The following RBFOX2 variants were observed in gnomAD, a reference collection of about 807,000 sequenced individuals.
The protein encoded by RBFOX2 is RNA binding fox-1 homolog 2.
A neutral mutation model predicts 49.1 loss-of-function variants in RBFOX2; 10 were observed. The ratio of observed to expected loss-of-function variants is 0.20; its 90% CI spans 0.13 to 0.35. RBFOX2 has a LOEUF of 0.35. Among genes scored for constraint, RBFOX2 ranks in the 10% least tolerant of loss-of-function variants. The pLI is 1.00. For synonymous variants in RBFOX2, 183 were observed against 187.4 expected, an observed-to-expected ratio of 0.98 and a Z score of 0.19; for missense variants, 323 against 486.9, an observed-to-expected ratio of 0.66 and a Z score of 3.17.
chr22:35,880,250 G>A lies in RBFOX2; in HGVS notation c.-34+58597C>T. On this transcript the variant is annotated intron_variant, in intron 1 of 13. Transcript: ENST00000359369. ...TGCTAATTAACAGGACCGCAGTGAG[G>A]GAGAAAGAGGAGTCCAGGATGACTA... 2.0e-5 allele frequency among the ~76,000 whole-genome samples: 3 copies of A among 152,300 alleles called. No individual in the cohort carries two copies. In the South Asian group the frequency reaches 6.2e-4, roughly 32 times the overall value.
intron 6 of RBFOX2, among the ~76,000 whole-genome samples, chr22:35,763,524 T>C (rs1176642030): frequency 1.3e-5 from 2 of 152,210 alleles, no homozygotes; most frequent in Non-Finnish European, 2.9e-5. Context: ...ATCGCACCAC[T>C]GTACTCCAGC....
intron 1 of RBFOX2, among the ~76,000 whole-genome samples, chr22:35,901,023 C>G (rs1029935782): frequency 6.6e-6 from 1 of 152,240 alleles, no homozygotes; most frequent in Non-Finnish European, 1.5e-5. Flanking sequence ...CCAACCGCTA[C>G]TATTTACTCA....
At chr22:35,790,966 T>C (rs540112164) in intron 2 of RBFOX2, among the ~76,000 whole-genome samples, 2 of 151,694 alleles carry the variant, frequency 1.3e-5, no homozygotes, top group African/African-American at 2.4e-5. Context: ...TATGATCATA[T>C]CACTGCACTC....
At chr22:35,943,028 G>A (rs568372007), upstream of RBFOX2, among the ~76,000 whole-genome samples, 2 of 152,306 alleles carry the variant, frequency 1.3e-5, no homozygotes, top group African/African-American at 2.4e-5. Context: ...GACACTTTAA[G>A]TGATTTGCTC....
At chr22:35,797,064 T>C (rs1400434004) in intron 2 of RBFOX2, among the ~76,000 whole-genome samples, 2 of 152,176 alleles carry the variant, frequency 1.3e-5, no homozygotes, top group East Asian at 1.9e-4. Context: ...TAGCATGTTA[T>C]TGAGTCTTTC....
chr22:35,767,716 A>G (rs745816808), intron 5 of RBFOX2, among the ~76,000 whole-genome samples: 1 of 152,158 alleles, frequency 6.6e-6, no homozygotes, highest in Non-Finnish European at 1.5e-5. Flanking sequence ...TTTAAAAACT[A>G]CACGAGTTTT....
chr22:35,929,841 AGGGAG>A (rs2052147403), intron 1 of RBFOX2, among the ~76,000 whole-genome samples: 1 of 151,930 alleles, frequency 6.6e-6, no homozygotes, highest in Non-Finnish European at 1.5e-5. Flanking sequence ...TGGGGGAGAG[AGGGAG>A]GACTGGAGAG....
intron 1 of RBFOX2, among the ~76,000 whole-genome samples, chr22:35,866,073 CT>C (rs1335790353): frequency 6.6e-6 from 1 of 152,066 alleles, no homozygotes; most frequent in Non-Finnish European, 1.5e-5. Context: ...ATTTTAATAA[CT>C]AGAAAAATAG....
chr22:35,994,122 A>C (rs2058087022), intron 1 of RBFOX2: 1 of 152,164 alleles, frequency 6.6e-6, no homozygotes, highest in African/African-American at 2.4e-5. Context: ...ATATAATGAG[A>C]GCCAGAAATA....
chr22:35,953,061 A>G (rs1337409539), intron 1 of RBFOX2, among the ~76,000 whole-genome samples: 1 of 151,960 alleles, frequency 6.6e-6, no homozygotes, highest in African/African-American at 2.4e-5. Context: ...AATACAAAAA[A>G]TTAGCTGGGC....
chr22:36,011,492 T>A (rs1302310791), intron 1 of RBFOX2, among the ~76,000 whole-genome samples: 4 of 152,050 alleles, frequency 2.6e-5, no homozygotes, highest in African/African-American at 9.7e-5. Context: ...TAGAAAAAAA[T>A]ATATATACAT....
At chr22:35,746,321 G>T in intron 10 of RBFOX2, 152 bp downstream of exon 12, 1 of 703,606 alleles carries the variant, frequency 1.4e-6, no homozygotes, top group Non-Finnish European at 2.4e-6. Flanking sequence ...GCATGACAGA[G>T]GCCATCAAGA....
intron 9 of RBFOX2, chr22:35,747,806 T>A (rs1418779578): frequency 1.3e-5 from 2 of 152,224 alleles, no homozygotes; most frequent in Non-Finnish European, 2.9e-5. Flanking sequence ...TAAAATGTGC[T>A]CATTTCTCAT....
chr22:35,770,335 A>G (rs1942305408), intron 4 of RBFOX2, among the ~76,000 whole-genome samples: 1 of 152,192 alleles, frequency 6.6e-6, no homozygotes, highest in African/African-American at 2.4e-5. Context: ...AAATTAATAC[A>G]TTGTAAATTA....
At chr22:35,878,578 C>CA (rs2045463552) in intron 1 of RBFOX2, among the ~76,000 whole-genome samples, 1 of 152,094 alleles carries the variant, frequency 6.6e-6, no homozygotes, top group Non-Finnish European at 1.5e-5. Context: ...GCTAGGACTA[C>CA]AGGTGTGTCC....
At chr22:35,814,875 G>T (rs2148297615) in intron 1 of RBFOX2, among the ~76,000 whole-genome samples, 1 of 152,152 alleles carries the variant, frequency 6.6e-6, no homozygotes, top group South Asian at 2.1e-4. Flanking sequence ...GGCAATGGGA[G>T]ACCCTGTCTC....
intron 1 of RBFOX2, among the ~76,000 whole-genome samples, chr22:36,012,741 T>C (rs1387240263): frequency 6.6e-6 from 1 of 152,126 alleles, no homozygotes; most frequent in Non-Finnish European, 1.5e-5. Context: ...ATATATCTTT[T>C]TCAACAAACA....
At position 35,803,847 on chromosome 22, in the gene RBFOX2, G is replaced by A. The variant is rs1284313995; in HGVS notation, c.252+5933C>T. 2.0e-5 allele frequency among the ~76,000 whole-genome samples: 3 copies of A among 152,020 alleles called. No individual in the cohort carries two copies. The East Asian group carries it at 5.8e-4, about 29-fold the overall frequency. On this transcript the variant is annotated intron_variant, in intron 2 of 11. Coordinates refer to ENST00000405409, the Ensembl canonical transcript of RBFOX2. ...CAAAGAAGGAGTGAACTGAAAAAGA[G>A]ACCACCAGAAATTATCCAATCTAAA... is the stretch of plus-strand genomic sequence containing the variant.
chr22:35,991,067 C>A (rs967730319), intron 1 of RBFOX2, among the ~76,000 whole-genome samples: 1 of 151,924 alleles, frequency 6.6e-6, no homozygotes, highest in Non-Finnish European at 1.5e-5. Context: ...TGAGACCAGC[C>A]TGGGCAACAC....
Sources: gnomAD v4.1 joint callset for allele counts (sites outside exome capture counted in the v4.1 genomes callset) on GRCh38, gnomAD v4.1.1 for gene constraint, MANE v1.5 for transcripts, NCBI Gene and HGNC (gene_info 2026-07-23, HGNC 2026-07-21) for gene names.